The following LMX1A variants were observed in gnomAD, a reference collection of about 807,000 sequenced individuals.
The protein encoded by LMX1A is LIM homeobox transcription factor 1 alpha.
A neutral mutation model predicts 49.1 loss-of-function variants in LMX1A; 15 were observed. The observed-to-expected ratio is 0.31, with a 90% CI of 0.20 to 0.47. LMX1A has a LOEUF of 0.47. Ranked by LOEUF, LMX1A falls within the 20% of genes least tolerant of loss-of-function variation. The pLI, the probability that LMX1A is intolerant of heterozygous loss-of-function variation, is 1.00. For missense variants in LMX1A, 372 were observed against 475.8 expected, an observed-to-expected ratio of 0.78 and a Z score of 2.03; for synonymous variants, 167 against 185.7, an observed-to-expected ratio of 0.90 and a Z score of 0.82.
chr1:165,236,318 C>A (rs1652439132), intron 4 of LMX1A, among the ~76,000 whole-genome samples: 1 of 152,056 alleles, frequency 6.6e-6, no homozygotes, highest in Admixed American at 6.6e-5. Context: ...AATTACATTT[C>A]TTTTTCCCTA....
chr1:165,242,089 A>G (rs1365444752), intron 4 of LMX1A, among the ~76,000 whole-genome samples: 2 of 152,250 alleles, frequency 1.3e-5, no homozygotes, highest in Non-Finnish European at 2.9e-5. Context: ...TCAGAGGCCA[A>G]TATGAACAGG....
intron 4 of LMX1A, among the ~76,000 whole-genome samples, chr1:165,244,943 G>T (rs1309411371): frequency 1.3e-5 from 2 of 151,944 alleles, no homozygotes; most frequent in Non-Finnish European, 2.9e-5. Context: ...GCAAAGCAGG[G>T]ACCAGGACAA....
intron 4 of LMX1A, among the ~76,000 whole-genome samples, chr1:165,216,389 C>T (rs915181720): frequency 6.6e-6 from 1 of 152,176 alleles, no homozygotes; most frequent in Non-Finnish European, 1.5e-5. Context: ...GCCAGCAATT[C>T]TCTCTGGTGG....
intron 3 of LMX1A, among the ~76,000 whole-genome samples, chr1:165,310,134 C>G (rs185244735): frequency 1.3e-5 from 2 of 152,312 alleles, no homozygotes; most frequent in East Asian, 3.9e-4. Flanking sequence ...ACCACAGTGG[C>G]TTGATAGTTT....
chr1:165,327,651 C>T (rs1655628443), intron 3 of LMX1A, among the ~76,000 whole-genome samples: 1 of 152,246 alleles, frequency 6.6e-6, no homozygotes, highest in African/African-American at 2.4e-5. Flanking sequence ...TCTCGTCCCA[C>T]AGCACTCCAC....
Position 165,355,816 on chromosome 1 carries a change from C to T in LMX1A, c.-22-235G>A, listed in dbSNP as rs759984309. The stretch of plus-strand genomic sequence containing the variant: ...CACGTTATGTACTTAGGCCTCCGCC[C>T]CCCAACTGCGTTTCTCCTTCTCCTG... On this transcript the variant is annotated intron_variant, in intron 1 of 8. Transcript: ENST00000342310. This position sits in a 1 kb window ranked among gnomAD's most constrained non-coding sequence, Gnocchi z 4.7. 208 of 501,736 alleles carry T rather than the reference C, an allele frequency of 4.1e-4. 1 individual carries two copies. The highest frequency in any genetic ancestry group is 6.6e-4 in the Non-Finnish European group (186 of 283,084). 31.1% of individuals were successfully genotyped at this position (501,736 alleles called of 1,614,324 possible). A position where few individuals can be genotyped will look rare whatever the true frequency, so the allele number is the denominator to read the frequency against.
intron 4 of LMX1A, among the ~76,000 whole-genome samples, chr1:165,221,415 G>A (rs941976837): frequency 6.6e-6 from 1 of 151,670 alleles, no homozygotes; most frequent in African/African-American, 2.4e-5. Flanking sequence ...CAACTATCCT[G>A]CCCTGCCACT....
At chr1:165,314,008 T>C (rs916595353) in intron 3 of LMX1A, among the ~76,000 whole-genome samples, 8 of 152,176 alleles carry the variant, frequency 5.3e-5, no homozygotes, top group Non-Finnish European at 1.2e-4. Context: ...TGAGTGGTTA[T>C]GCTAGAGATG....
chr1:165,264,115 G>A (rs557717317), intron 3 of LMX1A, among the ~76,000 whole-genome samples: 9 of 152,156 alleles, frequency 5.9e-5, no homozygotes, highest in Admixed American at 2.6e-4. Context: ...TGTGACTTAC[G>A]CTGAAACAAG....
At chr1:165,215,939 C>T (rs911804338) in intron 4 of LMX1A, 2 of 152,182 alleles carry the variant, frequency 1.3e-5, no homozygotes, top group East Asian at 1.9e-4. Flanking sequence ...TGTAAAGCAA[C>T]TAACACAGTC....
At chr1:165,249,382 A>C in intron 4 of LMX1A, 26 bp downstream of exon 4, 1 of 1,553,278 alleles carries the variant, frequency 6.4e-7, no homozygotes, top group Non-Finnish European at 8.9e-7. Flanking sequence ...ACCCCACCGC[A>C]GCCCTGCCCA....
chr1:165,265,215 A>AAAG (rs2101689954), intron 3 of LMX1A, among the ~76,000 whole-genome samples: 1 of 151,896 alleles, frequency 6.6e-6, no homozygotes, highest in African/African-American at 2.4e-5. Flanking sequence ...AAAAAAAAAA[A>AAAG]AAAGAAAAAA....
chr1:165,307,916 T>G (rs779619186), intron 3 of LMX1A, among the ~76,000 whole-genome samples: 1 of 152,176 alleles, frequency 6.6e-6, no homozygotes, highest in Non-Finnish European at 1.5e-5. Context: ...AAAAAGACTG[T>G]GTGAAGGCCA....
intron 2 of LMX1A, among the ~76,000 whole-genome samples, chr1:165,353,496 A>C (rs71628377): frequency 3.3e-5 from 5 of 152,124 alleles, no homozygotes; most frequent in African/African-American, 1.2e-4. Context: ...GAGGGTATAG[A>C]AATCAATAAT....
At position 165,260,093 on chromosome 1, in the gene LMX1A, G is replaced by A. The variant is rs115871207; in HGVS notation, c.264-10453C>T. Among the ~76,000 whole-genome samples, 407 of 152,232 alleles carry A rather than the reference G, an allele frequency of 2.7e-3. 1 individual carries two copies. Among genetic ancestry groups the A allele is most frequent in the African/African-American group, 8.7e-3 (361 of 41,528 alleles). On this transcript the variant is annotated intron_variant, in intron 3 of 8. Coordinates refer to ENST00000342310, the MANE Select transcript of LMX1A (RefSeq NM_177398.4). ...TAAAACAGACATATGGAAAATATCC[G>A]TTTTCCTTTTAGGGAGTTAAGGTTT...
chr1:165,304,093 T>G (rs769085470), intron 3 of LMX1A, among the ~76,000 whole-genome samples: 2 of 152,006 alleles, frequency 1.3e-5, no homozygotes, highest in African/African-American at 2.4e-5. Flanking sequence ...GTTCTGGAGG[T>G]GATCAGAATG....
intron 4 of LMX1A, among the ~76,000 whole-genome samples, chr1:165,228,825 A>C (rs1243185690): frequency 1.3e-5 from 2 of 152,118 alleles, no homozygotes; most frequent in African/African-American, 4.8e-5. Context: ...ACATGCAAAA[A>C]CCAGAGGCCA....
intron 3 of LMX1A, among the ~76,000 whole-genome samples, chr1:165,283,153 G>A (rs1223269381): frequency 2.0e-5 from 3 of 152,138 alleles, no homozygotes; most frequent in Non-Finnish European, 2.9e-5. Flanking sequence ...TATTTTTACT[G>A]TACCTTTTCT....
At chr1:165,343,507 A>G (rs796917274) in intron 3 of LMX1A, among the ~76,000 whole-genome samples, 70 of 152,264 alleles carry the variant, frequency 4.6e-4, no homozygotes, top group African/African-American at 1.6e-3. Context: ...AATTCTCTCA[A>G]TAACTTTATT....
Sources: allele counts gnomAD v4.1 joint callset (sites outside exome capture counted in the v4.1 genomes callset), GRCh38; gene constraint gnomAD v4.1.1; non-coding constraint Gnocchi (gnomAD v3.1); transcripts MANE v1.5; gene names NCBI Gene and HGNC (gene_info 2026-07-23, HGNC 2026-07-21).